The following DYM variants were observed in gnomAD, a reference collection of about 807,000 sequenced individuals.
DYM encodes the protein dyggve-Melchior-Clausen syndrome protein.
Under a neutral mutation model 93.1 loss-of-function variants are expected in DYM, and 78 were observed. That is an observed-to-expected ratio of 0.84 (90% CI 0.70 to 1.01). The LOEUF (loss-of-function observed/expected upper bound fraction) is 1.01, where lower values mean the gene tolerates loss of function less well. DYM is among the 50% of genes least tolerant of loss of function. The pLI is 0.00. For synonymous variants in DYM, 321 were observed against 319.7 expected (o/e 1.00, Z -0.04); for missense variants, 789 against 845.0 (o/e 0.93, Z 0.82).
intron 16 of DYM, among the ~76,000 whole-genome samples, chr18:49,101,455 T>C (rs2080129859): frequency 6.6e-6 from 1 of 152,202 alleles, no homozygotes; most frequent in Admixed American, 6.5e-5. Context: ...TTGAGTAATG[T>C]CAAATCACAT....
intron 16 of DYM, among the ~76,000 whole-genome samples, chr18:49,103,133 T>C (rs1256854252): frequency 6.6e-6 from 1 of 152,188 alleles, no homozygotes; most frequent in Non-Finnish European, 1.5e-5. Context: ...TGGTATCTCA[T>C]TGTGGTTTTG....
At chr18:49,111,898 C>T (rs2081431731) in intron 16 of DYM, among the ~76,000 whole-genome samples, 2 of 152,150 alleles carry the variant, frequency 1.3e-5, no homozygotes, top group South Asian at 2.1e-4. Context: ...GCTTTCTCTT[C>T]CCTTTCTTCC....
intron 16 of DYM, among the ~76,000 whole-genome samples, chr18:49,101,975 G>A (rs1046744772): frequency 1.3e-5 from 2 of 152,180 alleles, no homozygotes; most frequent in Non-Finnish European, 2.9e-5. Context: ...AATGTGACTT[G>A]TAAAACACTC....
intron 2 of DYM, among the ~76,000 whole-genome samples, chr18:49,419,810 A>C (rs758680642): frequency 4.6e-5 from 7 of 152,226 alleles, no homozygotes; most frequent in Non-Finnish European, 8.8e-5. Flanking sequence ...AGTATATTTC[A>C]ATGTAAAAAC....
At chr18:49,244,511 C>A (rs942712925) in intron 13 of DYM, among the ~76,000 whole-genome samples, 1 of 152,152 alleles carries the variant, frequency 6.6e-6, no homozygotes, top group Non-Finnish European at 1.5e-5. Flanking sequence ...GAAGCACTGG[C>A]AAAGGAAGGT....
intron 2 of DYM, among the ~76,000 whole-genome samples, chr18:49,396,077 G>T (rs1388650635): frequency 1.3e-5 from 2 of 152,094 alleles, no homozygotes; most frequent in African/African-American, 4.8e-5. Context: ...GTACACACCA[G>T]CTCCCCTTCA....
chr18:49,244,703 A>C (rs961827713), intron 13 of DYM, among the ~76,000 whole-genome samples: 4 of 151,974 alleles, frequency 2.6e-5, no homozygotes, highest in African/African-American at 9.7e-5. Context: ...GCTTCACAGA[A>C]GAAGAAGAAG....
chr18:49,429,663 T>C (rs1215955686), intron 2 of DYM, among the ~76,000 whole-genome samples: 1 of 152,194 alleles, frequency 6.6e-6, no homozygotes, highest in Non-Finnish European at 1.5e-5. Context: ...AGCTACCAAA[T>C]TGCAAATGCA....
At chr18:49,080,239 C>T (rs1289323753) in intron 17 of DYM, among the ~76,000 whole-genome samples, 19 of 97,412 alleles carry the variant, frequency 2.0e-4, no homozygotes, top group South Asian at 4.2e-4. Context: ...TCGGACGGGG[C>T]GGCTGGCCGG....
At chr18:49,262,231 C>T (rs2094501027) in intron 11 of DYM, among the ~76,000 whole-genome samples, 1 of 152,120 alleles carries the variant, frequency 6.6e-6, no homozygotes. Flanking sequence ...AGATAGATGG[C>T]AAGCCAAGGG....
At chr18:49,263,642 T>A (rs568491452) in intron 11 of DYM, among the ~76,000 whole-genome samples, 17 of 151,646 alleles carry the variant, frequency 1.1e-4, no homozygotes, top group Non-Finnish European at 1.8e-4. Flanking sequence ...AGGCAGAGAA[T>A]TGCTTGAACC....
chr18:49,204,728 G>A (rs1019457177), intron 14 of DYM, among the ~76,000 whole-genome samples: 1 of 152,068 alleles, frequency 6.6e-6, no homozygotes, highest in African/African-American at 2.4e-5. Context: ...ACCTCAACTC[G>A]CTACTGAAGT....
At chr18:49,148,737 T>G (rs1187363833) in intron 15 of DYM, among the ~76,000 whole-genome samples, 1 of 152,160 alleles carries the variant, frequency 6.6e-6, no homozygotes, top group Admixed American at 6.5e-5. Context: ...AAGATGATTA[T>G]AAACAAGATT....
At chr18:49,291,575 T>A (rs1009906846) in intron 8 of DYM, among the ~76,000 whole-genome samples, 1 of 152,190 alleles carries the variant, frequency 6.6e-6, no homozygotes, top group African/African-American at 2.4e-5. Flanking sequence ...GTATAAATTT[T>A]CAGTATAGGT....
intron 16 of DYM, among the ~76,000 whole-genome samples, chr18:49,108,797 T>C (rs1233324460): frequency 1.3e-5 from 2 of 152,368 alleles, no homozygotes; most frequent in Non-Finnish European, 2.9e-5. Context: ...GCTGTATCAA[T>C]TACTGAGAAA....
At chr18:49,271,259 G>C (rs1044448284) in intron 11 of DYM, among the ~76,000 whole-genome samples, 7 of 152,094 alleles carry the variant, frequency 4.6e-5, no homozygotes, top group Admixed American at 2.6e-4. Flanking sequence ...TACAGAAATG[G>C]TAAAACATGT....
intron 5 of DYM, among the ~76,000 whole-genome samples, chr18:49,372,581 A>T (rs1236091897): frequency 6.6e-6 from 1 of 151,954 alleles, no homozygotes; most frequent in Non-Finnish European, 1.5e-5. Flanking sequence ...CGTCTCTACT[A>T]AAAAAATACA....
intron 8 of DYM, among the ~76,000 whole-genome samples, chr18:49,320,082 T>C (rs1248309392): frequency 3.3e-5 from 5 of 152,206 alleles, no homozygotes; most frequent in Admixed American, 6.5e-5. Flanking sequence ...ATTACATAAC[T>C]TTCCCAAGTA....
intron 9 of DYM, among the ~76,000 whole-genome samples, chr18:49,284,447 A>G (rs947150017): frequency 2.0e-5 from 3 of 152,214 alleles, no homozygotes; most frequent in Admixed American, 2.0e-4. Flanking sequence ...AGCAAAGTTC[A>G]GCCCTAAATA....
Sources: gnomAD v4.1 joint callset for allele counts (sites outside exome capture counted in the v4.1 genomes callset) on GRCh38, gnomAD v4.1.1 for gene constraint, MANE v1.5 for transcripts, NCBI Gene and HGNC (gene_info 2026-07-23, HGNC 2026-07-21) for gene names.